The following MTA3 variants were observed in gnomAD, a reference collection of about 807,000 sequenced individuals.
MTA3 encodes the protein metastasis associated 1 family member 3, also known as metastasis-associated protein MTA3.
A neutral mutation model predicts 83.5 loss-of-function variants in MTA3; 34 were observed. The ratio of observed to expected loss-of-function variants is 0.41; its 90% CI spans 0.31 to 0.54. The LOEUF (loss-of-function observed/expected upper bound fraction) is 0.54. Ranked by LOEUF, MTA3 falls within the 20% of genes least tolerant of loss-of-function variation. MTA3 has a pLI of 0.33. For missense variants in MTA3, 761 were observed against 726.4 expected (o/e 1.05, Z -0.55); for synonymous variants, 303 against 252.7 (o/e 1.20, Z -1.89).
chr2:42,507,850 G>A (rs11902134), intron 2 of MTA3, among the ~76,000 whole-genome samples: 58,820 of 150,752 alleles, frequency 0.39, 11,876 homozygotes, highest in African/African-American at 0.5. Context: ...ATGATGGCTT[G>A]AGCCCGGGAG....
intron 16 of MTA3, among the ~76,000 whole-genome samples, chr2:42,730,600 A>G (rs1283411336): frequency 6.6e-6 from 1 of 152,214 alleles, no homozygotes; most frequent in Admixed American, 6.5e-5. Flanking sequence ...GAATTGTTGA[A>G]TTCAATTTGC....
intron 16 of MTA3, among the ~76,000 whole-genome samples, chr2:42,747,220 G>A (rs1449792545): frequency 6.6e-6 from 1 of 152,050 alleles, no homozygotes; most frequent in Non-Finnish European, 1.5e-5. Flanking sequence ...GGCTGGTCTT[G>A]AACTCCTGAC....
chr2:42,513,504 G>A (rs80283310), intron 2 of MTA3, among the ~76,000 whole-genome samples: 11 of 152,324 alleles, frequency 7.2e-5, no homozygotes, highest in African/African-American at 1.9e-4. Context: ...AACAGACTCC[G>A]TGTTAAAGCC....
intron 2 of MTA3, among the ~76,000 whole-genome samples, chr2:42,513,798 C>G (rs1229542252): frequency 1.3e-5 from 2 of 152,144 alleles, no homozygotes; most frequent in Admixed American, 1.3e-4. Flanking sequence ...CCCAGGCTGG[C>G]CTGAGGGGCA....
At chr2:42,552,860 G>C (rs980613762) in intron 2 of MTA3, among the ~76,000 whole-genome samples, 1 of 151,596 alleles carries the variant, frequency 6.6e-6, no homozygotes, top group Non-Finnish European at 1.5e-5. Context: ...TGAGGCAGGA[G>C]AATTGCTTGA....
At chr2:42,502,809 A>AAAT (rs1430867244) in intron 2 of MTA3, among the ~76,000 whole-genome samples, 3 of 150,384 alleles carry the variant, frequency 2.0e-5, no homozygotes, top group Non-Finnish European at 4.4e-5. Context: ...AAAAAAAAAA[A>AAAT]AAAATTAGCC....
chr2:42,679,935 G>A (rs777663623), intron 8 of MTA3, among the ~76,000 whole-genome samples: 1 of 151,752 alleles, frequency 6.6e-6, no homozygotes, highest in Non-Finnish European at 1.5e-5. Context: ...TTATAATAAA[G>A]TGTGGTAGGT....
At position 42,729,187 on chromosome 2, in the gene MTA3, G is replaced by C. The variant is rs769281535; in HGVS notation, c.1759+6152G>C. Among the ~76,000 whole-genome samples, 9 of 135,676 alleles carry C rather than the reference G, an allele frequency of 6.6e-5. No individual in the cohort carries two copies. The South Asian group carries it at 2.1e-3, about 31-fold the overall frequency. 89.0% of individuals were successfully genotyped at this position (135,676 alleles called of 152,430 possible). A position where few individuals can be genotyped will look rare whatever the true frequency, so the allele number is the denominator to read the frequency against. On this transcript the variant is annotated intron_variant, in intron 16 of 16. Coordinates refer to ENST00000405094, the MANE Select transcript of MTA3 (RefSeq NM_001330442.2). Reference sequence around the variant, plus strand: ...CGGCTCACTGCAAGCTCTACCTTCCGGGGGGTTCATGCAATTCTCCTGCCT... The same window carrying C: ...CGGCTCACTGCAAGCTCTACCTTCCCGGGGGTTCATGCAATTCTCCTGCCT...
At chr2:42,709,352 A>T in intron 14 of MTA3, 5 of 1,259,652 alleles carry the variant, frequency 4.0e-6, no homozygotes, top group Non-Finnish European at 5.1e-6. Flanking sequence ...GATTGGTGGG[A>T]GGTGATCCTA....
chr2:42,553,094 T>C (rs1230507108), intron 2 of MTA3, among the ~76,000 whole-genome samples: 1 of 151,350 alleles, frequency 6.6e-6, no homozygotes, highest in African/African-American at 2.4e-5. Context: ...CTGGGCAACA[T>C]AGGGAGACCC....
intron 16 of MTA3, among the ~76,000 whole-genome samples, chr2:42,746,587 C>T (rs906165087): frequency 2.6e-5 from 4 of 152,330 alleles, no homozygotes; most frequent in African/African-American, 9.6e-5. Context: ...ATTCACAAGC[C>T]CCAGGCTGTT....
intron 4 of MTA3, among the ~76,000 whole-genome samples, chr2:42,620,852 C>T (rs1328853560): frequency 6.6e-6 from 1 of 152,118 alleles, no homozygotes; most frequent in Non-Finnish European, 1.5e-5. Flanking sequence ...CTGCCTTTTT[C>T]TTGGAATACC....
At chr2:42,546,884 G>C (rs1003033648) in intron 2 of MTA3, among the ~76,000 whole-genome samples, 3 of 152,158 alleles carry the variant, frequency 2.0e-5, no homozygotes, top group Admixed American at 6.6e-5. Flanking sequence ...GGGACATGCA[G>C]GCAAATAACG....
At chr2:42,576,051 T>C (rs1678997859) in intron 2 of MTA3, among the ~76,000 whole-genome samples, 1 of 152,192 alleles carries the variant, frequency 6.6e-6, no homozygotes, top group Non-Finnish European at 1.5e-5. Context: ...GAAAAAGACA[T>C]CTTATTTTAG....
intron 3 of MTA3, among the ~76,000 whole-genome samples, chr2:42,600,219 A>G (rs1682393598): frequency 6.6e-6 from 1 of 152,038 alleles, no homozygotes; most frequent in Admixed American, 6.6e-5. Flanking sequence ...AACAAAACAA[A>G]AAAACTTGCT....
chr2:42,600,505 T>TC (rs2103995508), intron 3 of MTA3, among the ~76,000 whole-genome samples: 1 of 151,918 alleles, frequency 6.6e-6, no homozygotes, highest in East Asian at 1.9e-4. Context: ...TTATTAATTT[T>TC]TTTTTTTTTT....
At chr2:42,506,711 G>A (rs1444655671) in intron 2 of MTA3, among the ~76,000 whole-genome samples, 2 of 151,106 alleles carry the variant, frequency 1.3e-5, no homozygotes, top group Non-Finnish European at 3.0e-5. Flanking sequence ...GCATGATCTC[G>A]GCTCACTGCA....
chr2:42,561,016 G>A (rs959233151), intron 2 of MTA3, among the ~76,000 whole-genome samples: 6 of 152,042 alleles, frequency 3.9e-5, no homozygotes, highest in African/African-American at 9.7e-5. Flanking sequence ...ATGGCCCACC[G>A]GTCCCTATGG....
intron 6 of MTA3, among the ~76,000 whole-genome samples, chr2:42,653,073 A>G (rs1460187020): frequency 6.6e-6 from 1 of 152,232 alleles, no homozygotes; most frequent in Non-Finnish European, 1.5e-5. Context: ...GTAGAGATTT[A>G]AAAATATAAC....
Sources: gnomAD v4.1 joint callset for allele counts (sites outside exome capture counted in the v4.1 genomes callset) on GRCh38, gnomAD v4.1.1 for gene constraint, MANE v1.5 for transcripts, NCBI Gene and HGNC (gene_info 2026-07-23, HGNC 2026-07-21) for gene names.